The following CREB5 variants were observed in gnomAD, a reference collection of about 807,000 sequenced individuals.
The protein encoded by CREB5 is cyclic AMP-responsive element-binding protein 5.
CREB5 carries 19 observed loss-of-function variants against 57.1 expected under a neutral mutation model. That is an observed-to-expected ratio of 0.33 (90% CI 0.23 to 0.49). The LOEUF is 0.49. Ranked by LOEUF, CREB5 falls within the 20% of genes least tolerant of loss-of-function variation. The pLI is 0.99. For missense variants in CREB5, 579 were observed against 671.6 expected, an observed-to-expected ratio of 0.86 and a Z score of 1.52; for synonymous variants, 238 against 238.3, an observed-to-expected ratio of 1.00 and a Z score of 0.01.
intron 5 of CREB5, among the ~76,000 whole-genome samples, chr7:28,625,254 T>C (rs1167112889): frequency 6.6e-6 from 1 of 152,202 alleles, no homozygotes; most frequent in African/African-American, 2.4e-5. Flanking sequence ...CAGACAGCTT[T>C]ATCCTCTACC....
intron 4 of CREB5, among the ~76,000 whole-genome samples, chr7:28,566,979 G>T (rs1457087194): frequency 6.6e-6 from 1 of 152,102 alleles, no homozygotes; most frequent in East Asian, 1.9e-4. Context: ...AAACTTTTGG[G>T]GGAGAGGGGA....
chr7:28,458,366 C>T (rs1790206330), intron 1 of CREB5, among the ~76,000 whole-genome samples: 1 of 152,146 alleles, frequency 6.6e-6, no homozygotes. Flanking sequence ...AGAATTGGGG[C>T]CTAGCTTCAT....
intron 4 of CREB5, among the ~76,000 whole-genome samples, chr7:28,524,910 C>T (rs531264119): frequency 6.6e-6 from 1 of 152,294 alleles, no homozygotes; most frequent in South Asian, 2.1e-4. Context: ...TGCTATTAAA[C>T]AGTAGAACTT....
chr7:28,743,388 C>G (rs988071549), intron 7 of CREB5, among the ~76,000 whole-genome samples: 1 of 152,094 alleles, frequency 6.6e-6, no homozygotes, highest in African/African-American at 2.4e-5. Context: ...CAAAAATTAG[C>G]TGGGTATAGT....
intron 5 of CREB5, among the ~76,000 whole-genome samples, chr7:28,578,213 C>T (rs538394858): frequency 7.9e-5 from 12 of 152,146 alleles, no homozygotes; most frequent in Non-Finnish European, 7.3e-5. Flanking sequence ...TCTCCCATAA[C>T]GCAAACTGAA....
chr7:28,688,815 C>T (rs182297436), intron 5 of CREB5, among the ~76,000 whole-genome samples: 2 of 152,242 alleles, frequency 1.3e-5, no homozygotes, highest in Non-Finnish European at 2.9e-5. Flanking sequence ...TTGATGAGTG[C>T]CAAGTGTATG....
chr7:28,802,749 C>T (rs1808448555), intron 7 of CREB5, among the ~76,000 whole-genome samples: 1 of 152,244 alleles, frequency 6.6e-6, no homozygotes, highest in Non-Finnish European at 1.5e-5. Flanking sequence ...TCAACTGAAT[C>T]TTTAGAACGG....
intron 5 of CREB5, among the ~76,000 whole-genome samples, chr7:28,596,716 T>C (rs1025808400): frequency 6.6e-6 from 1 of 152,100 alleles, no homozygotes; most frequent in Admixed American, 6.6e-5. Flanking sequence ...AGTTACATCA[T>C]CCCTAAAATG....
rs76372985 is a variant in CREB5, at chr7:28,590,986, A to T, written c.464+20449A>T. On this transcript the variant is annotated intron_variant, in intron 5 of 10. Transcript: ENST00000357727. ...TTAGAAAGACTTTGATGTCTTTCAG[A>T]TTGCCAAAGTTAATTTTTTGCAAGA... is the stretch of plus-strand genomic sequence containing the variant. Among the ~76,000 whole-genome samples, 18 of 152,320 alleles carry T rather than the reference A, an allele frequency of 1.2e-4. No homozygotes were observed. The East Asian group carries it at 3.5e-3, about 29-fold the overall frequency.
chr7:28,666,996 TG>T (rs1286538146), intron 5 of CREB5, among the ~76,000 whole-genome samples: 2 of 151,886 alleles, frequency 1.3e-5, no homozygotes, highest in African/African-American at 4.8e-5. Flanking sequence ...GGAGCTTGCT[TG>T]TCACAAACTT....
chr7:28,470,485 CTT>C (rs1790760577), intron 1 of CREB5, among the ~76,000 whole-genome samples: 1 of 152,164 alleles, frequency 6.6e-6, no homozygotes, highest in South Asian at 2.1e-4. Flanking sequence ...TTGATGGACA[CTT>C]AGCTTTCTTC....
chr7:28,355,402 G>C (rs1786319997), intron 1 of CREB5, among the ~76,000 whole-genome samples: 1 of 149,156 alleles, frequency 6.7e-6, no homozygotes, highest in South Asian at 2.2e-4. Flanking sequence ...TCATAGTAGA[G>C]AGAATCATGA....
intron 5 of CREB5, among the ~76,000 whole-genome samples, chr7:28,643,556 C>T (rs944386071): frequency 1.8e-4 from 28 of 152,110 alleles, no homozygotes; most frequent in African/African-American, 6.8e-4. Flanking sequence ...TATTTAAGTC[C>T]TCCCTATCCT....
intron 5 of CREB5, among the ~76,000 whole-genome samples, chr7:28,641,685 T>C (rs1006847330): frequency 5.9e-5 from 9 of 152,158 alleles, no homozygotes; most frequent in African/African-American, 7.2e-5. Context: ...AGAAAGGAAA[T>C]GGTGAGTTAG....
intron 7 of CREB5, among the ~76,000 whole-genome samples, chr7:28,791,357 C>G (rs1049946284): frequency 6.6e-6 from 1 of 152,172 alleles, no homozygotes; most frequent in South Asian, 2.1e-4. Flanking sequence ...CCTTCTTTCT[C>G]TCTGTCCTTG....
intron 5 of CREB5, among the ~76,000 whole-genome samples, chr7:28,595,344 T>C (rs998037622): frequency 2.0e-5 from 3 of 152,160 alleles, no homozygotes; most frequent in African/African-American, 4.8e-5. Context: ...AGCTCAGGGA[T>C]TGTGTCTGGT....
At position 28,807,456 on chromosome 7, in the gene CREB5, A is replaced by G. The variant is rs141432371; in HGVS notation, c.1027-1731A>G. ...AGAGAGAGACTCCGTCTCAAGAAAA[A>G]AAGAAAATGTCTTTGCTTTGCATAA... is the stretch of plus-strand genomic sequence containing the variant. On this transcript the variant is annotated intron_variant, in intron 8 of 10. Transcript: ENST00000357727. Among the ~76,000 whole-genome samples, 45 of 152,344 alleles carry G rather than the reference A, an allele frequency of 3.0e-4. No homozygotes were observed. The East Asian group carries it at 8.3e-3, about 28-fold the overall frequency.
chr7:28,722,643 TG>T (rs1404868594), intron 6 of CREB5, among the ~76,000 whole-genome samples: 1 of 152,120 alleles, frequency 6.6e-6, no homozygotes, highest in Admixed American at 6.5e-5. Flanking sequence ...GGGGGGTGCG[TG>T]GGAGTGAACA....
chr7:28,748,228 G>A lies in CREB5; in HGVS notation c.702+23896G>A, dbSNP rs75516742. Among the ~76,000 whole-genome samples, 966 of 152,274 alleles carry A rather than the reference G, an allele frequency of 6.3e-3. 10 individuals carry two copies. Among genetic ancestry groups the A allele is most frequent in the African/African-American group, 0.022 (909 of 41,552 alleles). On this transcript the variant is annotated intron_variant, in intron 7 of 10. Transcript: ENST00000357727. ...CAAGCAAAATGAGTTGTCTTCATGG[G>A]TACTGTATGCAAATCTAAATCTCTA...
Sources: gnomAD v4.1 joint callset for allele counts (sites outside exome capture counted in the v4.1 genomes callset) on GRCh38, gnomAD v4.1.1 for gene constraint, MANE v1.5 for transcripts, NCBI Gene and HGNC (gene_info 2026-07-23, HGNC 2026-07-21) for gene names.